Variants in KNCN observed in about 807,000 individuals in gnomAD.
The protein encoded by KNCN is kinocilin.
In KNCN, 11 loss-of-function variants were observed where a neutral mutation model predicts 10.4. The ratio of observed to expected loss-of-function variants is 1.06; its 90% CI spans 0.67 to 1.75. The LOEUF is 1.75. Among genes scored for constraint, KNCN ranks in the 40% most tolerant of loss-of-function variants. KNCN has a pLI of 0.00. For missense variants in KNCN, 172 were observed against 167.1 expected (o/e 1.03, Z -0.16); for synonymous variants, 67 against 71.6 (o/e 0.94, Z 0.33).
At chr1:46,550,977 G>T (rs1245709339) in intron 1 of KNCN, 88 bp downstream of exon 1, 3 of 1,275,240 alleles carry the variant, frequency 2.4e-6, no homozygotes, top group Non-Finnish European at 3.2e-6. Context: ...TGCTGACCCA[G>T]CCCTTCCCTG....
intron 1 of KNCN, 67 bp from the exon 2 acceptor site, chr1:46,550,069 C>G: frequency 6.5e-7 from 1 of 1,549,080 alleles, no homozygotes; most frequent in Non-Finnish European, 8.7e-7. Flanking sequence ...TGTGGGTGGG[C>G]TGGGAGCCTG....
chr1:46,547,692 T>C lies in KNCN; in HGVS notation c.*38A>G, dbSNP rs1258041. 1,461,267 of 1,487,412 alleles carry C rather than the reference T, an allele frequency of 0.98. 719,278 individuals are homozygous for C. The highest frequency in any genetic ancestry group is 1 in the Non-Finnish European group (1,089,511 of 1,094,056). 92.1% of individuals were successfully genotyped at this position (1,487,412 alleles called of 1,614,324 possible). On this transcript the variant is annotated 3_prime_UTR_variant, in exon 4 of 4. Coordinates refer to ENST00000481882, the MANE Select transcript of KNCN (RefSeq NM_001322255.2). ...ACTGACATAGGGGCAGCAGGCAGGATGGGAGGGCAGGGCATGGGCAGCCGC... is the reference window on the plus strand; with the variant it reads ...ACTGACATAGGGGCAGCAGGCAGGACGGGAGGGCAGGGCATGGGCAGCCGC...
intron 1 of KNCN, among the ~76,000 whole-genome samples, chr1:46,550,303 C>T (rs1437935945): frequency 1.3e-5 from 2 of 152,100 alleles, no homozygotes; most frequent in African/African-American, 4.8e-5. Flanking sequence ...ACCACCACTG[C>T]GTCTCTGCTG....
chr1:46,548,289 C>G (rs1666989850), intron 3 of KNCN, among the ~76,000 whole-genome samples: 1 of 152,182 alleles, frequency 6.6e-6, no homozygotes, highest in South Asian at 2.1e-4. Context: ...CCCCTGGTGG[C>G]AGAGACTGGG....
At chr1:46,548,867 A>G (rs1177672262) in intron 3 of KNCN, among the ~76,000 whole-genome samples, 3 of 152,180 alleles carry the variant, frequency 2.0e-5, no homozygotes, top group African/African-American at 7.2e-5. Context: ...CAGGCTGGGC[A>G]CGGTGGCTCA....
chr1:46,549,493 C>T (rs1175594409), intron 2 of KNCN, among the ~76,000 whole-genome samples: 2 of 152,118 alleles, frequency 1.3e-5, no homozygotes, highest in South Asian at 2.1e-4. Context: ...GGTGAGGTCC[C>T]GGGGAGAACT....
chr1:46,551,438 A>G lies in KNCN; in HGVS notation c.-223T>C, dbSNP rs574388051. 107 of 493,420 alleles carry G rather than the reference A, an allele frequency of 2.2e-4. No homozygotes were observed. In the Admixed American group the frequency reaches 3.3e-3, roughly 15 times the overall value. 30.6% of individuals were successfully genotyped at this position (493,420 alleles called of 1,614,324 possible). A position where few individuals can be genotyped will look rare whatever the true frequency, so the allele number is the denominator to read the frequency against. ...CCCACCTTGACCAGGGATCTGTACGAGGTCACCCAGCTTACTCTTCCTCTC... is the reference window on the plus strand; with the variant it reads ...CCCACCTTGACCAGGGATCTGTACGGGGTCACCCAGCTTACTCTTCCTCTC... On this transcript the variant is annotated 5_prime_UTR_variant, in exon 1 of 4. Transcript: ENST00000481882. The surrounding 1 kb of genome is among the most constrained non-coding windows in gnomAD (Gnocchi z 4.0).
At chr1:46,547,910 G>A (rs985681147) in intron 3 of KNCN, 101 bp from the exon 4 acceptor site, 64 of 801,994 alleles carry the variant, frequency 8.0e-5, no homozygotes, top group Admixed American at 3.0e-4. Flanking sequence ...GGGGTGCCTG[G>A]TTGACCCCAG....
At chr1:46,550,068 G>C in intron 1 of KNCN, 66 bp from the exon 2 acceptor site, 1 of 1,549,474 alleles carries the variant, frequency 6.5e-7, no homozygotes, top group East Asian at 2.4e-5. Context: ...CTGTGGGTGG[G>C]CTGGGAGCCT....
rs772649166 is a variant in KNCN, at chr1:46,551,565, T to TC, written c.-351dup. The TC allele has an allele frequency of 4.0e-4, 82 of 204,956 alleles. No homozygotes were observed. Among genetic ancestry groups the TC allele is most frequent in the Non-Finnish European group, 7.0e-4 (72 of 103,280 alleles). 12.7% of individuals were successfully genotyped at this position (204,956 alleles called of 1,614,324 possible). A position where few individuals can be genotyped will look rare whatever the true frequency, so the allele number is the denominator to read the frequency against. On this transcript the variant is annotated 5_prime_UTR_variant, in exon 1 of 4. It removes the in-frame stop codon of an upstream open reading frame in the 5' UTR. Transcript: ENST00000481882. The surrounding 1 kb of genome is among the most constrained non-coding windows in gnomAD (Gnocchi z 4.0). ...AGGGAGCTGGGCCTGTTCCATAGGA[T>TC]CCTTCCCTGCCAGCCTCCACCCAGG... is the stretch of plus-strand genomic sequence containing the variant.
At chr1:46,549,360 T>G in intron 2 of KNCN, 93 bp from the exon 3 acceptor site, 1 of 839,756 alleles carries the variant, frequency 1.2e-6, no homozygotes, top group Non-Finnish European at 1.9e-6. Context: ...TGCTATCTAG[T>G]CTCCATCCCT....
In KNCN at chr1:46,546,905, T is replaced by G; in HGVS notation, c.*825A>C. On this transcript the variant is annotated 3_prime_UTR_variant, in exon 4 of 4. Coordinates refer to ENST00000481882, the MANE Select transcript of KNCN (RefSeq NM_001322255.2). ...TTGAACGGGGACTTTAAAAGTGGGG[T>G]GTTTGATAGGCAGACAGAAGCAGGG... 6.4e-6 allele frequency: 1 copy of G among 155,238 alleles called. No individual in the cohort carries two copies. Among genetic ancestry groups the G allele is most frequent in the Non-Finnish European group, 1.4e-5 (1 of 69,778 alleles). The allele number at this position is 155,238 out of a possible 1,614,324, so 9.6% of individuals were successfully genotyped here.
At chr1:46,549,367 C>A (rs1433617819) in intron 2 of KNCN, 100 bp from the exon 3 acceptor site, 2 of 790,340 alleles carry the variant, frequency 2.5e-6, no homozygotes, top group African/African-American at 1.8e-5. Context: ...TAGTCTCCAT[C>A]CCTGATGCTG....
rs1667060083 is a variant in KNCN at position 46,551,222 on chromosome 1, C to T, written c.-7G>A. ...TGCTGATGGGGATGTCCATGCAGGC[C>T]CACCCGGGGCACTGCCTCCAGCCGG... On this transcript the variant is annotated 5_prime_UTR_variant, in exon 1 of 4. Coordinates refer to ENST00000481882, the MANE Select transcript of KNCN (RefSeq NM_001322255.2). The surrounding 1 kb of genome is among the most constrained non-coding windows in gnomAD (Gnocchi z 4.0). 1 of 1,602,514 alleles carries T rather than the reference C, an allele frequency of 6.2e-7. No individual in the cohort carries two copies. The highest frequency in any genetic ancestry group is 1.1e-5 in the South Asian group (1 of 89,536).
intron 3 of KNCN, among the ~76,000 whole-genome samples, chr1:46,548,389 T>C (rs1331475342): frequency 1.3e-5 from 2 of 152,038 alleles, no homozygotes; most frequent in African/African-American, 4.8e-5. Flanking sequence ...GTATGAACTT[T>C]AAACTGGGGT....
In KNCN at chr1:46,551,133, A is replaced by G. The variant is rs368236727; in HGVS notation, c.83T>C (p.Ile28Thr). 5 of 1,611,300 alleles carry G rather than the reference A, an allele frequency of 3.1e-6. No individual in the cohort carries two copies. The highest frequency in any genetic ancestry group is 2.7e-5 in the African/African-American group (2 of 74,796). Residue 28 changes from isoleucine (I) to threonine (T), a missense_variant, in exon 1 of 4, where the codon ATT (isoleucine) becomes ACT (threonine). By Grantham distance (89) the Ile-to-Thr change is moderately conservative (BLOSUM62 -1). Transcript: ENST00000481882. This position sits in a 1 kb window ranked among gnomAD's most constrained non-coding sequence, Gnocchi z 4.0. ...VALGLVAGSI[I>T]IGISVSKAAA... ...AGCCTTGGATACGGAGATGCCGATA[A>G]TGATGCTGCCAGCCACCAGCCCGAG...
rs1667063368 is a variant in KNCN at position 46,551,356 on chromosome 1, G to A, written c.-141C>T. The A allele has an allele frequency of 1.1e-6, 1 of 872,122 alleles. No individual in the cohort carries two copies. The allele number at this position is 872,122 out of a possible 1,614,324, so 54.0% of individuals were successfully genotyped here. A position where few individuals can be genotyped will look rare whatever the true frequency, so the allele number is the denominator to read the frequency against. Reference sequence around the variant, plus strand: ...TTCTGGGCAGTAAGATGATAGGTGGGGAACCCTGGGATTTATCTGCAGTCC... The same window carrying A: ...TTCTGGGCAGTAAGATGATAGGTGGAGAACCCTGGGATTTATCTGCAGTCC... On this transcript the variant is annotated 5_prime_UTR_variant, in exon 1 of 4. Transcript: ENST00000481882. This position sits in a 1 kb window ranked among gnomAD's most constrained non-coding sequence, Gnocchi z 4.0.
chr1:46,547,832 G>C, intron 3 of KNCN, 23 bp from the exon 4 acceptor site: 2 of 1,439,690 alleles, frequency 1.4e-6, no homozygotes, highest in South Asian at 3.0e-5. Context: ...ACAGGGACGA[G>C]GACTGCCTCC....
intron 3 of KNCN, among the ~76,000 whole-genome samples, chr1:46,548,895 C>T (rs2148508369): frequency 6.6e-6 from 1 of 152,322 alleles, no homozygotes; most frequent in African/African-American, 2.4e-5. Flanking sequence ...AATCCCAGCA[C>T]TTTGGGAGGC....
Sources: allele counts gnomAD v4.1 joint callset (sites outside exome capture counted in the v4.1 genomes callset), GRCh38; gene constraint gnomAD v4.1.1; non-coding constraint Gnocchi (gnomAD v3.1); transcripts MANE v1.5; gene names NCBI Gene and HGNC (gene_info 2026-07-23, HGNC 2026-07-21).